TTLL13: variants seen among roughly 807,000 people sequenced by gnomAD.
TTLL13 encodes tubulin tyrosine ligase like 13.
chr15:90,256,629 CCTTCCTTCCTT>C, the TTLL13 span, among the ~76,000 whole-genome samples: 253 of 69,278 alleles, frequency 3.7e-3, 4 homozygotes, highest in African/African-American at 0.013. Flanking sequence ...TTCCTTCCTT[CCTTCCTTCCTT>C]CTTTCTTTCT....
chr15:90,257,814 A>C, the TTLL13 span: 1 of 1,311,582 alleles, frequency 7.6e-7, no homozygotes, highest in Non-Finnish European at 1.1e-6. Flanking sequence ...TGGGAGGCTA[A>C]TTGCCCAGGG....
At chr15:90,261,936 G>A in the TTLL13 span, 1 of 1,284,194 alleles carries the variant, frequency 7.8e-7, no homozygotes, top group Non-Finnish European at 1.0e-6. Flanking sequence ...CCAAACCTTA[G>A]TCAGTCTTCC....
chr15:90,261,964 C>T, the TTLL13 span: 2 of 1,464,982 alleles, frequency 1.4e-6, no homozygotes, highest in Non-Finnish European at 1.8e-6. Context: ...ACTGAACATT[C>T]CCACAGCCCT....
At chr15:90,263,061 C>T in the TTLL13 span, 1 of 1,536,130 alleles carries the variant, frequency 6.5e-7, no homozygotes, top group Non-Finnish European at 8.7e-7. Context: ...GGGAGACTCT[C>T]ATCCGAAGCC....
At chr15:90,255,958 T>C in the TTLL13 span, 2 of 1,607,298 alleles carry the variant, frequency 1.2e-6, no homozygotes, top group Non-Finnish European at 1.7e-6. Context: ...TCTGGTCTTG[T>C]GACCTAGGAA....
the TTLL13 span, among the ~76,000 whole-genome samples, chr15:90,252,830 C>T: frequency 6.6e-6 from 1 of 152,116 alleles, no homozygotes; most frequent in Non-Finnish European, 1.5e-5. Flanking sequence ...TGGTAAAACC[C>T]CGTCTCTACT....
At chr15:90,256,403 C>T in the TTLL13 span, 21 of 1,385,810 alleles carry the variant, frequency 1.5e-5, no homozygotes, top group South Asian at 1.2e-4. Flanking sequence ...TCTACCCTTC[C>T]CACTAGCCCC....
At chr15:90,263,423 C>A in the TTLL13 span, 4 of 482,420 alleles carry the variant, frequency 8.3e-6, no homozygotes, top group South Asian at 1.1e-4. Context: ...CCAAAATAAC[C>A]CCACACTCAT....
the TTLL13 span, chr15:90,253,169 C>A: frequency 8.4e-7 from 1 of 1,190,196 alleles, no homozygotes; most frequent in Non-Finnish European, 1.2e-6. Flanking sequence ...CAGGTGTATA[C>A]CTTACCTGAC....
the TTLL13 span, among the ~76,000 whole-genome samples, chr15:90,261,838 C>T: frequency 1.3e-5 from 2 of 152,216 alleles, no homozygotes; most frequent in African/African-American, 4.8e-5. Flanking sequence ...TCATGGCTAC[C>T]CACATGTGGG....
chr15:90,253,560 C>G, the TTLL13 span, among the ~76,000 whole-genome samples: 1 of 152,158 alleles, frequency 6.6e-6, no homozygotes, highest in Non-Finnish European at 1.5e-5. Flanking sequence ...TGGAATTACC[C>G]AAAGGAAGTT....
At chr15:90,264,762 T>C in the TTLL13 span, 1 of 1,536,134 alleles carries the variant, frequency 6.5e-7, no homozygotes. Flanking sequence ...AACCGAGTCC[T>C]GGCAGGATCA....
the TTLL13 span, chr15:90,253,384 C>G: frequency 5.0e-6 from 8 of 1,592,874 alleles, no homozygotes; most frequent in African/African-American, 1.1e-4. Context: ...ATCTCCTGAC[C>G]TGAGAGCCGA....
At chr15:90,256,547 TTCTTTCTTTCTTTC>T in the TTLL13 span, among the ~76,000 whole-genome samples, 1 of 23,526 alleles carries the variant, frequency 4.3e-5, no homozygotes, top group Admixed American at 5.0e-4. Flanking sequence ...TCCTTCCTTT[TTCTTTCTTTCTTTC>T]TTTCTTTCTT....
chr15:90,255,768 T>C, the TTLL13 span: 1 of 1,614,080 alleles, frequency 6.2e-7, no homozygotes. Flanking sequence ...ATCAACCACT[T>C]CCCTGGCATG....
At chr15:90,261,584 G>A in the TTLL13 span, among the ~76,000 whole-genome samples, 2 of 151,506 alleles carry the variant, frequency 1.3e-5, no homozygotes, top group African/African-American at 2.4e-5. Flanking sequence ...CTTGAGGTCC[G>A]GCCTTGCCAA....
At chr15:90,263,052 G>A in the TTLL13 span, 1 of 1,535,990 alleles carries the variant, frequency 6.5e-7, no homozygotes, top group Non-Finnish European at 8.7e-7. Context: ...TGCTACAAAG[G>A]GAGACTCTCA....
the TTLL13 span, chr15:90,264,130 C>T: frequency 3.2e-6 from 3 of 935,804 alleles, no homozygotes; most frequent in East Asian, 2.6e-5. Flanking sequence ...AGCTTGGATG[C>T]CCCTAAAATA....
chr15:90,253,904 G>A, the TTLL13 span, among the ~76,000 whole-genome samples: 29 of 152,300 alleles, frequency 1.9e-4, no homozygotes, highest in South Asian at 5.8e-3. Flanking sequence ...AGAGTCTGCA[G>A]GCTTATTCTT....
Sources: allele counts gnomAD v4.1 joint callset (sites outside exome capture counted in the v4.1 genomes callset), GRCh38; gene constraint gnomAD v4.1.1; transcripts MANE v1.5; gene names NCBI Gene and HGNC (gene_info 2026-07-23, HGNC 2026-07-21).